Variants in TWSG1 observed in about 807,000 individuals in gnomAD.
TWSG1 encodes twisted gastrulation BMP signaling modulator 1, also known as twisted gastrulation protein homolog 1.
Under a neutral mutation model 23.0 loss-of-function variants are expected in TWSG1, and 15 were observed. That is an observed-to-expected ratio of 0.65 (90% CI 0.44 to 1.00). The LOEUF (loss-of-function observed/expected upper bound fraction) is 1.00, where lower values mean the gene tolerates loss of function less well. TWSG1 is among the 50% of genes least tolerant of loss of function. TWSG1 has a pLI of 0.00. For missense variants in TWSG1, 242 were observed against 278.7 expected (o/e 0.87, Z 0.94); for synonymous variants, 86 against 92.8 (o/e 0.93, Z 0.42).
At chr18:9,353,618 A>C (rs2040511710) in intron 2 of TWSG1, among the ~76,000 whole-genome samples, 1 of 152,226 alleles carries the variant, frequency 6.6e-6, no homozygotes, top group African/African-American at 2.4e-5. Context: ...AGTTATTTAC[A>C]CATAGAAGAT....
intron 3 of TWSG1, among the ~76,000 whole-genome samples, chr18:9,365,368 A>T (rs2040573135): frequency 1.3e-5 from 2 of 152,050 alleles, no homozygotes; most frequent in Non-Finnish European, 2.9e-5. Context: ...ATTCTATGGG[A>T]AATGTTAAAT....
chr18:9,369,099 C>A (rs1205985781), intron 3 of TWSG1, among the ~76,000 whole-genome samples: 3 of 149,140 alleles, frequency 2.0e-5, no homozygotes, highest in Admixed American at 6.8e-5. Flanking sequence ...ACAGAGTAGA[C>A]TCTGTCTCAA....
Position 9,389,196 on chromosome 18 carries a change from G to A in TWSG1, c.224-7084G>A, listed in dbSNP as rs557225108. On this transcript the variant is annotated intron_variant, in intron 3 of 4. Transcript: ENST00000262120. ...TCTCCATGTTGGTCAGGCTGGTCTC[G>A]AACTCCTGACCTCAGGTGATGTGCC... Among the ~76,000 whole-genome samples, 135 of 152,030 alleles carry A rather than the reference G, an allele frequency of 8.9e-4. 5 individuals are homozygous for A. The South Asian group carries it at 0.025, about 28-fold the overall frequency.
chr18:9,376,825 C>T (rs1458382688), intron 3 of TWSG1, among the ~76,000 whole-genome samples: 2 of 134,706 alleles, frequency 1.5e-5, no homozygotes, highest in Non-Finnish European at 3.2e-5. Context: ...GAGCAAAACC[C>T]TGTCTCCAAA....
rs2040760594 is a variant in TWSG1 at position 9,401,111 on chromosome 18, T to C, written c.*1584T>C. On this transcript the variant is annotated 3_prime_UTR_variant, in exon 5 of 5. Transcript: ENST00000262120. ...TTTCTGCTCTTTCAAATAACTCTAA[T>C]GAATATTCAAGATATTTTAGCCTTT... The C allele has an allele frequency of 6.6e-6, 1 of 152,244 alleles. No homozygotes were observed. Among genetic ancestry groups the C allele is most frequent in the Non-Finnish European group, 1.5e-5 (1 of 68,036 alleles). 9.4% of individuals were successfully genotyped at this position (152,244 alleles called of 1,614,324 possible).
intron 3 of TWSG1, among the ~76,000 whole-genome samples, chr18:9,395,419 C>T (rs1375702955): frequency 1.3e-5 from 2 of 152,146 alleles, no homozygotes; most frequent in East Asian, 3.8e-4. Flanking sequence ...CATTCCCATC[C>T]GAATCAAACC....
At chr18:9,396,726 A>G in intron 4 of TWSG1, 180 bp downstream of exon 4, 11 of 645,922 alleles carry the variant, frequency 1.7e-5, no homozygotes, top group Non-Finnish European at 2.2e-5. Flanking sequence ...ACATGCCAGA[A>G]GGATAAGAGA....
intron 2 of TWSG1, among the ~76,000 whole-genome samples, chr18:9,347,041 G>A (rs1294199464): frequency 1.3e-5 from 2 of 152,164 alleles, no homozygotes; most frequent in Admixed American, 1.3e-4. Context: ...GTATATAGTG[G>A]TATCATATTG....
Position 9,344,770 on chromosome 18 carries a change from G to A in TWSG1, c.123+7418G>A, listed in dbSNP as rs566791652. On this transcript the variant is annotated intron_variant, in intron 2 of 4. Coordinates refer to ENST00000262120, the MANE Select transcript of TWSG1 (RefSeq NM_020648.6). Reference sequence around the variant, plus strand: ...TTGTGTGTGTGTGTTTGTTTTAGACGAGAGTCTCATTCTGTTGCCCAGACT... The same window carrying A: ...TTGTGTGTGTGTGTTTGTTTTAGACAAGAGTCTCATTCTGTTGCCCAGACT... Among the ~76,000 whole-genome samples the A allele has an allele frequency of 3.3e-5, 5 of 151,852 alleles. No individual in the cohort carries two copies. The South Asian group carries it at 1.0e-3, about 32-fold the overall frequency.
At chr18:9,359,915 A>C in intron 2 of TWSG1, 57 bp from the exon 3 acceptor site, 1 of 1,400,448 alleles carries the variant, frequency 7.1e-7, no homozygotes, top group Non-Finnish European at 1.0e-6. Flanking sequence ...CTTAAAAAGT[A>C]GCAGTTTTAT....
chr18:9,336,120 C>G (rs1464901485), intron 1 of TWSG1, among the ~76,000 whole-genome samples: 1 of 152,094 alleles, frequency 6.6e-6, no homozygotes, highest in Non-Finnish European at 1.5e-5. Flanking sequence ...TGGCCGGGCG[C>G]GGTAGCTCAC....
intron 3 of TWSG1, among the ~76,000 whole-genome samples, chr18:9,386,469 G>A (rs1285507859): frequency 4.8e-5 from 7 of 146,274 alleles, no homozygotes; most frequent in Non-Finnish European, 9.0e-5. Context: ...AAAAAAAAAA[G>A]CAATTGGAAA....
At chr18:9,384,676 T>G (rs1178285935) in intron 3 of TWSG1, among the ~76,000 whole-genome samples, 35 of 151,816 alleles carry the variant, frequency 2.3e-4, no homozygotes, top group Admixed American at 2.2e-3. Flanking sequence ...GACAAAGTCT[T>G]GCTCTGTCGC....
At chr18:9,399,317 C>T (rs1433136397) in intron 4 of TWSG1, 29 bp from the exon 5 acceptor site, 1 of 1,508,002 alleles carries the variant, frequency 6.6e-7, no homozygotes, top group Non-Finnish European at 8.9e-7. Flanking sequence ...TTCTTTCTTG[C>T]CCTGAAATCT....
intron 3 of TWSG1, among the ~76,000 whole-genome samples, chr18:9,391,552 A>G (rs370378407): frequency 3.9e-5 from 6 of 152,238 alleles, no homozygotes; most frequent in African/African-American, 1.4e-4. Flanking sequence ...ACAGTTATCA[A>G]TTGAGCTTGC....
chr18:9,349,507 A>G (rs572233713), intron 2 of TWSG1, among the ~76,000 whole-genome samples: 67 of 152,216 alleles, frequency 4.4e-4, no homozygotes, highest in Non-Finnish European at 7.9e-4. Flanking sequence ...TATTAAATAA[A>G]TCTTAAGTTT....
chr18:9,377,494 C>T (rs777813435), intron 3 of TWSG1, among the ~76,000 whole-genome samples: 5 of 152,098 alleles, frequency 3.3e-5, no homozygotes, highest in Non-Finnish European at 5.9e-5. Flanking sequence ...GCTGGGATTA[C>T]GGGCATGAGC....
rs115743428 is a variant in TWSG1 at position 9,378,858 on chromosome 18, G to A, written c.224-17422G>A. 3.4e-3 allele frequency among the ~76,000 whole-genome samples: 512 copies of A among 151,882 alleles called. 2 individuals carry two copies. Among genetic ancestry groups the A allele is most frequent in the African/African-American group, 0.012 (487 of 41,396 alleles). ...TAGCTGGGCATTGTGGCTCACACCT[G>A]TAGTCCTACCTACTACAGAGGCTGA... On this transcript the variant is annotated intron_variant, in intron 3 of 4. Coordinates refer to ENST00000262120, the MANE Select transcript of TWSG1 (RefSeq NM_020648.6).
At chr18:9,370,279 C>CT (rs1319054566) in intron 3 of TWSG1, among the ~76,000 whole-genome samples, 1 of 151,640 alleles carries the variant, frequency 6.6e-6, no homozygotes, top group Non-Finnish European at 1.5e-5. Flanking sequence ...GATCATGCCA[C>CT]TGCACTCCAG....
Sources: allele counts gnomAD v4.1 joint callset (sites outside exome capture counted in the v4.1 genomes callset), GRCh38; gene constraint gnomAD v4.1.1; transcripts MANE v1.5; gene names NCBI Gene and HGNC (gene_info 2026-07-23, HGNC 2026-07-21).